The following SLC24A3 variants were observed in gnomAD, a reference collection of about 807,000 sequenced individuals.
SLC24A3 encodes sodium/potassium/calcium exchanger 3.
Under a neutral mutation model 75.8 loss-of-function variants are expected in SLC24A3, and 28 were observed. The observed-to-expected ratio is 0.37, with a 90% CI of 0.27 to 0.51. The LOEUF (loss-of-function observed/expected upper bound fraction) is 0.51, where lower values mean the gene tolerates loss of function less well. Among genes scored for constraint, SLC24A3 ranks in the 20% least tolerant of loss-of-function variants. The pLI, the probability that SLC24A3 is intolerant of heterozygous loss-of-function variation, is 0.94. For synonymous variants in SLC24A3, 372 were observed against 334.1 expected (o/e 1.11, Z -1.24); for missense variants, 663 against 847.8 (o/e 0.78, Z 2.71).
intron 2 of SLC24A3, among the ~76,000 whole-genome samples, chr20:19,435,792 G>T (rs1987189222): frequency 6.6e-6 from 1 of 152,142 alleles, no homozygotes; most frequent in Non-Finnish European, 1.5e-5. Flanking sequence ...AACAGCTCAT[G>T]GTTATAGGAG....
intron 2 of SLC24A3, among the ~76,000 whole-genome samples, chr20:19,283,731 G>A (rs1055036291): frequency 3.9e-5 from 6 of 152,236 alleles, no homozygotes; most frequent in African/African-American, 1.4e-4. Context: ...TTCTCTAGAA[G>A]TTGACATCAT....
intron 2 of SLC24A3, among the ~76,000 whole-genome samples, chr20:19,393,735 C>T (rs1159887661): frequency 6.6e-6 from 1 of 152,030 alleles, no homozygotes; most frequent in East Asian, 1.9e-4. Context: ...GAAAAGACAT[C>T]ACATATTTAT....
At chr20:19,498,917 G>A (rs1003245051) in intron 2 of SLC24A3, among the ~76,000 whole-genome samples, 3 of 152,192 alleles carry the variant, frequency 2.0e-5, no homozygotes, top group East Asian at 3.9e-4. Context: ...GCGTGTGCAC[G>A]TGCAGCTCTG....
At chr20:19,665,819 G>A in intron 7 of SLC24A3, 45 bp from the exon 8 acceptor site, 3 of 1,535,346 alleles carry the variant, frequency 2.0e-6, no homozygotes, top group South Asian at 2.4e-5. Context: ...GTGTGTGTGT[G>A]TGTGTGTGTG....
chr20:19,605,112 T>C (rs1374428379), intron 6 of SLC24A3, among the ~76,000 whole-genome samples: 3 of 152,232 alleles, frequency 2.0e-5, no homozygotes, highest in Admixed American at 6.5e-5. Flanking sequence ...AAAAAACACG[T>C]TGGCCTCATC....
chr20:19,643,690 A>G (rs1331073261), intron 6 of SLC24A3, among the ~76,000 whole-genome samples: 5 of 152,248 alleles, frequency 3.3e-5, no homozygotes, highest in African/African-American at 7.2e-5. Flanking sequence ...ACTCAGATGC[A>G]TAGTCTTAAC....
At chr20:19,408,271 T>C (rs976040510) in intron 2 of SLC24A3, among the ~76,000 whole-genome samples, 2 of 152,208 alleles carry the variant, frequency 1.3e-5, no homozygotes, top group Admixed American at 6.5e-5. Context: ...TTGTTGTCAT[T>C]AAAAATTCTA....
chr20:19,546,182 A>AAAAAAAAAC (rs1283634511), intron 3 of SLC24A3, among the ~76,000 whole-genome samples: 2 of 140,228 alleles, frequency 1.4e-5, no homozygotes, highest in Non-Finnish European at 1.6e-5. Flanking sequence ...AAAAAAAAAA[A>AAAAAAAAAC]AAAAAACCAG....
chr20:19,483,454 G>A (rs777842510), intron 2 of SLC24A3, among the ~76,000 whole-genome samples: 4 of 152,224 alleles, frequency 2.6e-5, no homozygotes, highest in South Asian at 2.1e-4. Context: ...TTGTGGGGCT[G>A]TGGAGTAATT....
At chr20:19,583,703 G>A (rs1012361019) in intron 4 of SLC24A3, among the ~76,000 whole-genome samples, 3 of 152,184 alleles carry the variant, frequency 2.0e-5, no homozygotes, top group Non-Finnish European at 4.4e-5. Context: ...GGCAGGTCTC[G>A]GCAAACCATA....
intron 6 of SLC24A3, among the ~76,000 whole-genome samples, chr20:19,626,917 A>G (rs1381258674): frequency 2.6e-5 from 4 of 152,250 alleles, no homozygotes. Context: ...CTGTGAAAAG[A>G]TCACAGTGGA....
intron 2 of SLC24A3, among the ~76,000 whole-genome samples, chr20:19,396,358 G>A (rs1421131240): frequency 1.3e-5 from 2 of 152,144 alleles, no homozygotes; most frequent in African/African-American, 2.4e-5. Context: ...AACTTGACTT[G>A]AATAATTTAT....
intron 2 of SLC24A3, among the ~76,000 whole-genome samples, chr20:19,498,895 G>T (rs1456627619): frequency 6.6e-6 from 1 of 152,176 alleles, no homozygotes; most frequent in East Asian, 1.9e-4. Context: ...ATTTCCTCCT[G>T]GCACTCTCTT....
At chr20:19,337,999 A>G (rs921275450) in intron 2 of SLC24A3, among the ~76,000 whole-genome samples, 1 of 152,222 alleles carries the variant, frequency 6.6e-6, no homozygotes, top group Admixed American at 6.5e-5. Context: ...TTCAGGGGAT[A>G]GAGGCACCAC....
chr20:19,215,895 G>GT (rs1981539478), intron 1 of SLC24A3, among the ~76,000 whole-genome samples: 1 of 152,190 alleles, frequency 6.6e-6, no homozygotes, highest in Admixed American at 6.5e-5. Context: ...CTGCTGAGGT[G>GT]TAACATGAGG....
intron 2 of SLC24A3, among the ~76,000 whole-genome samples, chr20:19,344,592 A>G (rs1985346105): frequency 6.6e-6 from 1 of 152,234 alleles, no homozygotes; most frequent in Admixed American, 6.5e-5. Context: ...CAACCCACTC[A>G]GTGGCTTGGG....
intron 3 of SLC24A3, among the ~76,000 whole-genome samples, chr20:19,563,399 A>G (rs1164745666): frequency 6.6e-6 from 1 of 152,180 alleles, no homozygotes; most frequent in Non-Finnish European, 1.5e-5. Flanking sequence ...GAAAATAACA[A>G]TGAAAGGAAA....
intron 2 of SLC24A3, among the ~76,000 whole-genome samples, chr20:19,311,290 AG>A (rs780641488): frequency 2.0e-5 from 3 of 152,150 alleles, no homozygotes; most frequent in Non-Finnish European, 4.4e-5. Context: ...TTTGGCCAGC[AG>A]GGCCCGCGGA....
At chr20:19,440,951 G>T (rs1301327122) in intron 2 of SLC24A3, among the ~76,000 whole-genome samples, 2 of 152,126 alleles carry the variant, frequency 1.3e-5, no homozygotes, top group Admixed American at 1.3e-4. Flanking sequence ...TAGATGGATG[G>T]GTTAAAAGCA....
Sources: gnomAD v4.1 joint callset for allele counts (sites outside exome capture counted in the v4.1 genomes callset) on GRCh38, gnomAD v4.1.1 for gene constraint, MANE v1.5 for transcripts, NCBI Gene and HGNC (gene_info 2026-07-23, HGNC 2026-07-21) for gene names.